Variants in ATXN3 observed in about 807,000 individuals in gnomAD.
The protein encoded by ATXN3 is ataxin 3.
ATXN3 carries 28 observed loss-of-function variants against 58.2 expected under a neutral mutation model. The ratio of observed to expected loss-of-function variants is 0.48; its 90% CI spans 0.36 to 0.66. The LOEUF (loss-of-function observed/expected upper bound fraction) is 0.66. Among genes scored for constraint, ATXN3 ranks in the 30% least tolerant of loss-of-function variants. ATXN3 has a pLI of 0.00. For synonymous variants in ATXN3, 113 were observed against 138.5 expected, an observed-to-expected ratio of 0.82 and a Z score of 1.29; for missense variants, 321 against 422.1, an observed-to-expected ratio of 0.76 and a Z score of 2.10.
chr14:92,046,007 C>A (rs746564153), intron 2 of ATXN3, among the ~76,000 whole-genome samples: 1 of 152,066 alleles, frequency 6.6e-6, no homozygotes, highest in African/African-American at 2.4e-5. Context: ...GGAAGTAAAG[C>A]GGCCTTGAGA....
At chr14:92,080,123 T>C (rs2140662597) in intron 9 of ATXN3, among the ~76,000 whole-genome samples, 1 of 152,278 alleles carries the variant, frequency 6.6e-6, no homozygotes, top group East Asian at 1.9e-4. Context: ...TATGGTGGAA[T>C]TCCTATTTAG....
chr14:92,067,889 C>T (rs1248805534), intron 10 of ATXN3, among the ~76,000 whole-genome samples: 1 of 152,146 alleles, frequency 6.6e-6, no homozygotes, highest in Non-Finnish European at 1.5e-5. Flanking sequence ...CAAGGAGTGG[C>T]GGTCATGGGG....
chr14:92,103,621 C>A (rs1382785639), intron 1 of ATXN3, among the ~76,000 whole-genome samples: 1 of 152,098 alleles, frequency 6.6e-6, no homozygotes, highest in Non-Finnish European at 1.5e-5. Context: ...AGAGACAGGT[C>A]TCACCACGCC....
At chr14:92,087,316 T>C (rs2062809272) in intron 6 of ATXN3, among the ~76,000 whole-genome samples, 1 of 152,200 alleles carries the variant, frequency 6.6e-6, no homozygotes, top group Admixed American at 6.5e-5. Flanking sequence ...CTAGGTGTGG[T>C]AGCACAAGCC....
intron 5 of ATXN3, among the ~76,000 whole-genome samples, chr14:92,092,023 G>A (rs2063947091): frequency 6.6e-6 from 1 of 151,918 alleles, no homozygotes; most frequent in South Asian, 2.1e-4. Flanking sequence ...TTTGTATACT[G>A]TACTCCCATG....
intron 9 of ATXN3, among the ~76,000 whole-genome samples, chr14:92,077,101 A>G (rs183605224): frequency 3.3e-5 from 5 of 152,268 alleles, no homozygotes; most frequent in African/African-American, 9.6e-5. Context: ...AAATGATAAG[A>G]CATTTGAGGT....
At chr14:92,099,755 T>A (rs911899227) in intron 1 of ATXN3, among the ~76,000 whole-genome samples, 1 of 152,040 alleles carries the variant, frequency 6.6e-6, no homozygotes, top group Non-Finnish European at 1.5e-5. Flanking sequence ...GTAGTCCAGC[T>A]TCTTGGGAGG....
intron 1 of ATXN3, among the ~76,000 whole-genome samples, chr14:92,098,518 T>C (rs1195146378): frequency 6.6e-6 from 1 of 152,004 alleles, no homozygotes; most frequent in East Asian, 1.9e-4. Context: ...ACCCAGGAAG[T>C]AGAGCCTGCA....
chr14:92,088,041 A>T (rs184027217), intron 6 of ATXN3, among the ~76,000 whole-genome samples: 48 of 152,252 alleles, frequency 3.2e-4, no homozygotes, highest in Non-Finnish European at 3.5e-4. Context: ...GGATAGTTTA[A>T]TCTAGGGGCA....
chr14:92,096,815 T>C lies in ATXN3; in HGVS notation c.48A>G (p.Gln16=), dbSNP rs201027114. 9.7e-4 allele frequency: 1,565 copies of C among 1,613,096 alleles called. 25 individuals are homozygous for C. The South Asian group carries it at 0.016, about 17-fold the overall frequency. Residue 16 remains glutamine (Q), a synonymous_variant, in exon 2 of 11, where the codon CAA becomes CAG. Coordinates refer to ENST00000644486, the MANE Select transcript of ATXN3 (RefSeq NM_004993.6). ...HEKQEGSLCA[Q]HCLNNLLQGE... is the part of the protein sequence containing the mutation. ...CTTGCAATAAGTTATTCAGGCAATG[T>C]TGAGCACAAAGTGAGCCTTCTTGCT...
chr14:92,070,558 G>T (rs2059242460), intron 10 of ATXN3, among the ~76,000 whole-genome samples: 1 of 152,178 alleles, frequency 6.6e-6, no homozygotes, highest in Admixed American at 6.5e-5. Flanking sequence ...CAGCCTGGGT[G>T]ACAGAGCAAG....
chr14:92,086,929 G>A (rs779560599), intron 6 of ATXN3, among the ~76,000 whole-genome samples: 4 of 152,150 alleles, frequency 2.6e-5, no homozygotes, highest in Non-Finnish European at 4.4e-5. Flanking sequence ...ACTGGTTTTG[G>A]TTAGAGGTAG....
At chr14:92,054,996 C>T (rs1004901425), downstream of ATXN3, among the ~76,000 whole-genome samples, 1 of 152,220 alleles carries the variant, frequency 6.6e-6, no homozygotes, top group African/African-American at 2.4e-5. Context: ...ATTCTCCTGT[C>T]TCAGCCACTT....
chr14:92,105,221 A>G (rs1261726977), intron 1 of ATXN3, among the ~76,000 whole-genome samples: 2 of 152,146 alleles, frequency 1.3e-5, no homozygotes, highest in East Asian at 1.9e-4. Context: ...CAGGAGTTCG[A>G]GACCAGCCTG....
intron 2 of ATXN3, among the ~76,000 whole-genome samples, chr14:92,045,130 G>A (rs74071828): frequency 0.29 from 44,159 of 151,976 alleles, 6,888 homozygotes; most frequent in African/African-American, 0.41. Context: ...TCTCGAGGAC[G>A]GGCTCTAATT....
intron 3 of ATXN3, among the ~76,000 whole-genome samples, chr14:92,094,951 C>T (rs1315035574): frequency 6.6e-6 from 1 of 152,112 alleles, no homozygotes; most frequent in Non-Finnish European, 1.5e-5. Flanking sequence ...ACAAAGATAT[C>T]TGCAGAGATA....
chr14:92,082,813 C>T (rs2061707814), intron 7 of ATXN3, among the ~76,000 whole-genome samples: 1 of 151,948 alleles, frequency 6.6e-6, no homozygotes, highest in South Asian at 2.1e-4. Flanking sequence ...CCACATCTGG[C>T]TAATTTTTGT....
chr14:92,084,347 T>C (rs944365480), intron 6 of ATXN3, among the ~76,000 whole-genome samples: 1 of 152,170 alleles, frequency 6.6e-6, no homozygotes, highest in Non-Finnish European at 1.5e-5. Flanking sequence ...CCCACACATG[T>C]ACACCCCTTG....
At chr14:92,072,842 A>G (rs1287079999) in intron 9 of ATXN3, among the ~76,000 whole-genome samples, 3 of 151,882 alleles carry the variant, frequency 2.0e-5, no homozygotes, top group Admixed American at 2.0e-4. Flanking sequence ...CACATTTTTT[A>G]TAGAGTTCCT....
Sources: gnomAD v4.1 joint callset for allele counts (sites outside exome capture counted in the v4.1 genomes callset) on GRCh38, gnomAD v4.1.1 for gene constraint, MANE v1.5 for transcripts, NCBI Gene and HGNC (gene_info 2026-07-23, HGNC 2026-07-21) for gene names.